Variants in SPOCK1 observed in about 807,000 individuals in gnomAD.
The protein encoded by SPOCK1 is SPARC (osteonectin), cwcv and kazal like domains proteoglycan 1.
Under a neutral mutation model 55.3 loss-of-function variants are expected in SPOCK1, and 23 were observed. The ratio of observed to expected loss-of-function variants is 0.42; its 90% CI spans 0.30 to 0.59. The LOEUF (loss-of-function observed/expected upper bound fraction) is 0.59, where lower values mean the gene tolerates loss of function less well. SPOCK1 is among the 20% of genes least tolerant of loss of function. The pLI, the probability that SPOCK1 is intolerant of heterozygous loss-of-function variation, is 0.22. For synonymous variants in SPOCK1, 226 were observed against 221.0 expected, an observed-to-expected ratio of 1.02 and a Z score of -0.20; for missense variants, 499 against 552.5, an observed-to-expected ratio of 0.90 and a Z score of 0.97.
chr5:137,144,156 G>C (rs1304530556), intron 3 of SPOCK1, among the ~76,000 whole-genome samples: 1 of 152,056 alleles, frequency 6.6e-6, no homozygotes, highest in South Asian at 2.1e-4. Context: ...GGGGTGCCCA[G>C]CTCTGGACAC....
chr5:136,993,320 T>A (rs891367851), intron 6 of SPOCK1, among the ~76,000 whole-genome samples: 1 of 152,138 alleles, frequency 6.6e-6, no homozygotes, highest in African/African-American at 2.4e-5. Flanking sequence ...GCAAGCTATT[T>A]GAAGGTCTTG....
intron 5 of SPOCK1, among the ~76,000 whole-genome samples, chr5:137,080,231 G>A (rs180774097): frequency 2.4e-4 from 36 of 152,248 alleles, no homozygotes; most frequent in Admixed American, 6.5e-4. Flanking sequence ...CACAGATGTC[G>A]TTTGGCCAAT....
At chr5:137,337,436 C>T (rs1561508516) in intron 2 of SPOCK1, among the ~76,000 whole-genome samples, 2 of 152,306 alleles carry the variant, frequency 1.3e-5, no homozygotes, top group East Asian at 3.9e-4. Flanking sequence ...TCCTAGGTAT[C>T]CCTACTGACC....
At chr5:137,312,677 C>T (rs1305581825) in intron 2 of SPOCK1, among the ~76,000 whole-genome samples, 2 of 152,154 alleles carry the variant, frequency 1.3e-5, no homozygotes, top group African/African-American at 4.8e-5. Context: ...GCAGGCCCAT[C>T]CTTCAAGCAC....
At chr5:137,190,046 G>A (rs907329684) in intron 3 of SPOCK1, among the ~76,000 whole-genome samples, 9 of 128,448 alleles carry the variant, frequency 7.0e-5, no homozygotes, top group African/African-American at 2.4e-4. Context: ...CAGATGAGGA[G>A]TTGCTTCCTA....
At chr5:137,281,658 T>A (rs1167566810) in intron 2 of SPOCK1, among the ~76,000 whole-genome samples, 1 of 152,158 alleles carries the variant, frequency 6.6e-6, no homozygotes, top group East Asian at 1.9e-4. Context: ...CTGCAAAAGA[T>A]CCAAATTGTG....
rs768776915 is a variant in SPOCK1, at chr5:137,369,244, C to T, written c.187-102189G>A. Among the ~76,000 whole-genome samples, 46 of 152,336 alleles carry T rather than the reference C, an allele frequency of 3.0e-4. 1 individual carries two copies. Among genetic ancestry groups the T allele is most frequent in the Admixed American group, 2.7e-3 (41 of 15,298 alleles). ...GAATCCTTATTTATGCAAATTCATA[C>T]ACAAGACATGAGTGAAAGGAGAAGT... On this transcript the variant is annotated intron_variant, in intron 2 of 10. Coordinates refer to ENST00000394945, the MANE Select transcript of SPOCK1 (RefSeq NM_004598.4).
chr5:137,184,431 T>C (rs1277589937), intron 3 of SPOCK1, among the ~76,000 whole-genome samples: 1 of 152,210 alleles, frequency 6.6e-6, no homozygotes, highest in Non-Finnish European at 1.5e-5. Flanking sequence ...CGCCCCAGAA[T>C]GTCCCATCAG....
intron 6 of SPOCK1, among the ~76,000 whole-genome samples, chr5:137,055,503 C>T (rs1377869787): frequency 2.6e-5 from 4 of 152,166 alleles, no homozygotes; most frequent in East Asian, 1.9e-4. Context: ...GGCAAGTTTC[C>T]TCTTGGGCAC....
At chr5:137,321,469 G>A (rs2127146992) in intron 2 of SPOCK1, among the ~76,000 whole-genome samples, 1 of 152,104 alleles carries the variant, frequency 6.6e-6, no homozygotes, top group Admixed American at 6.5e-5. Flanking sequence ...TTGAAAGCAA[G>A]AAAAAAGTAA....
chr5:137,496,671 C>T (rs1276087150), intron 2 of SPOCK1, among the ~76,000 whole-genome samples: 11 of 152,150 alleles, frequency 7.2e-5, no homozygotes, highest in Non-Finnish European at 1.5e-5. Flanking sequence ...ATCTCTGCCC[C>T]AGGTGAATCC....
At chr5:136,985,329 T>C (rs762168121) in intron 8 of SPOCK1, 127 bp from the exon 9 acceptor site, 121 of 927,496 alleles carry the variant, frequency 1.3e-4, no homozygotes, top group Non-Finnish European at 2.0e-4. Context: ...CATATGCTGT[T>C]ACTATGCAAG....
intron 5 of SPOCK1, among the ~76,000 whole-genome samples, chr5:137,069,115 C>T (rs1752561285): frequency 6.6e-6 from 1 of 152,242 alleles, no homozygotes. Flanking sequence ...TGCAAAGCCA[C>T]ACACGAGTGC....
At chr5:137,154,751 G>T (rs1215486137) in intron 3 of SPOCK1, among the ~76,000 whole-genome samples, 2 of 152,186 alleles carry the variant, frequency 1.3e-5, no homozygotes, top group Non-Finnish European at 1.5e-5. Flanking sequence ...TCAACACAGG[G>T]TTCTTAAGTG....
chr5:137,294,208 C>G (rs886185204), intron 2 of SPOCK1, among the ~76,000 whole-genome samples: 1 of 152,024 alleles, frequency 6.6e-6, no homozygotes, highest in Admixed American at 6.5e-5. Flanking sequence ...CTAGATGAAA[C>G]AGCAGCATCT....
At chr5:137,350,202 G>C (rs1323625610) in intron 2 of SPOCK1, among the ~76,000 whole-genome samples, 1 of 152,172 alleles carries the variant, frequency 6.6e-6, no homozygotes, top group Admixed American at 6.5e-5. Flanking sequence ...CAGTGCTATG[G>C]ACAGAAGGAG....
At chr5:137,024,317 G>GGGGT (rs1751629004) in intron 6 of SPOCK1, among the ~76,000 whole-genome samples, 2 of 89,160 alleles carry the variant, frequency 2.2e-5, no homozygotes, top group Admixed American at 1.1e-4. Flanking sequence ...AGTTTGAAGG[G>GGGGT]GGGGGGGTAG....
intron 2 of SPOCK1, among the ~76,000 whole-genome samples, chr5:137,296,440 T>C (rs1757481471): frequency 6.6e-6 from 1 of 152,146 alleles, no homozygotes. Context: ...GGCGTCCAAG[T>C]AATGGAGAGG....
chr5:137,350,894 G>T (rs956702308), intron 2 of SPOCK1, among the ~76,000 whole-genome samples: 5 of 152,020 alleles, frequency 3.3e-5, no homozygotes, highest in African/African-American at 1.2e-4. Flanking sequence ...GATCAAGTCT[G>T]ATCAGTTTTC....
Sources: gnomAD v4.1 joint callset for allele counts (sites outside exome capture counted in the v4.1 genomes callset) on GRCh38, gnomAD v4.1.1 for gene constraint, MANE v1.5 for transcripts, NCBI Gene and HGNC (gene_info 2026-07-23, HGNC 2026-07-21) for gene names.